The following WWC1 variants were observed in gnomAD, a reference collection of about 807,000 sequenced individuals.
The protein encoded by WWC1 is WW and C2 domain containing 1.
In WWC1, 55 loss-of-function variants were observed where a neutral mutation model predicts 138.4. That is an observed-to-expected ratio of 0.40 (90% CI 0.32 to 0.50). The LOEUF is 0.50. WWC1 is among the 20% of genes least tolerant of loss of function. The pLI is 0.72. For missense variants in WWC1, 1,226 were observed against 1,420.4 expected (o/e 0.86, Z 2.20); for synonymous variants, 524 against 564.9 (o/e 0.93, Z 1.03).
chr5:168,318,141 A>C (rs367573004), intron 1 of WWC1, among the ~76,000 whole-genome samples: 2 of 152,092 alleles, frequency 1.3e-5, no homozygotes, highest in Non-Finnish European at 2.9e-5. Flanking sequence ...CAGATCATGG[A>C]AAGTCCACAA....
chr5:168,455,275 A>G, intron 18 of WWC1, 81 bp from the exon 19 acceptor site: 8 of 1,462,508 alleles, frequency 5.5e-6, no homozygotes, highest in South Asian at 1.5e-5. Context: ...ACAGGAGGGA[A>G]GAGGAGCAGC....
intron 15 of WWC1, among the ~76,000 whole-genome samples, chr5:168,435,283 C>T (rs1320845769): frequency 6.6e-6 from 1 of 152,154 alleles, no homozygotes; most frequent in African/African-American, 2.4e-5. Flanking sequence ...CCACCACCCC[C>T]ATTTTCTCGC....
chr5:168,313,556 A>C (rs923818499), intron 1 of WWC1, among the ~76,000 whole-genome samples: 8 of 151,026 alleles, frequency 5.3e-5, no homozygotes, highest in Non-Finnish European at 1.0e-4. Flanking sequence ...GCACCACTGC[A>C]CTCCAGCCTG....
Position 168,469,009 on chromosome 5 carries a change from G to A in WWC1, c.3334G>A (p.Asp1112Asn). Residue 1112 changes from aspartate to asparagine, a missense_variant, in exon 23 of 23, where the codon GAC (aspartate) becomes AAC (asparagine). Coordinates refer to ENST00000265293, the MANE Select transcript of WWC1 (RefSeq NM_015238.3). ...GAATATCCCAGCTCTCTCTGCAGATGACGTCTAATCGCCAGAAAAGTATTT... is the reference window on the plus strand; with the variant it reads ...GAATATCCCAGCTCTCTCTGCAGATAACGTCTAATCGCCAGAAAAGTATTT... ...RMNIPALSAD[D>N]V 6.2e-7 allele frequency: 1 copy of A among 1,614,234 alleles called. No homozygotes were observed. Among genetic ancestry groups the A allele is most frequent in the Non-Finnish European group, 8.5e-7 (1 of 1,180,038 alleles).
At chr5:168,426,428 G>A (rs11738811) in intron 11 of WWC1, among the ~76,000 whole-genome samples, 26,385 of 152,082 alleles carry the variant, frequency 0.17, 2,418 homozygotes, top group South Asian at 0.35. Context: ...TTTGGGGCTT[G>A]TGGGCCTCAG....
At chr5:168,296,926 A>G (rs557933088) in intron 1 of WWC1, among the ~76,000 whole-genome samples, 1 of 152,316 alleles carries the variant, frequency 6.6e-6, no homozygotes, top group South Asian at 2.1e-4. Flanking sequence ...AACAGGCATG[A>G]TTTCACTTAC....
At chr5:168,410,123 T>C in intron 8 of WWC1, 128 bp downstream of exon 8, 1 of 924,644 alleles carries the variant, frequency 1.1e-6, no homozygotes, top group South Asian at 1.5e-5. Context: ...ATGAAGATAG[T>C]TATTATACTT....
chr5:168,329,883 G>A (rs1261718486), intron 1 of WWC1, among the ~76,000 whole-genome samples: 1 of 152,190 alleles, frequency 6.6e-6, no homozygotes, highest in Non-Finnish European at 1.5e-5. Flanking sequence ...GCTGAGGCAG[G>A]CGGATCACCT....
chr5:168,459,358 C>T (rs1756607184), intron 19 of WWC1, among the ~76,000 whole-genome samples: 1 of 152,084 alleles, frequency 6.6e-6, no homozygotes, highest in Non-Finnish European at 1.5e-5. Flanking sequence ...GATGGCACAC[C>T]CTTCCACCTG....
At chr5:168,428,903 C>A in intron 13 of WWC1, 116 bp downstream of exon 13, 1 of 1,041,852 alleles carries the variant, frequency 9.6e-7, no homozygotes, top group Admixed American at 2.1e-5. Flanking sequence ...GCAGCACCAG[C>A]AGGACCTGCT....
At chr5:168,293,124 G>T (rs1016243829) in intron 1 of WWC1, among the ~76,000 whole-genome samples, 1 of 152,218 alleles carries the variant, frequency 6.6e-6, no homozygotes, top group East Asian at 1.9e-4. Flanking sequence ...GGCAGATGGA[G>T]CCTGAGATAG....
At position 168,428,906 on chromosome 5, in the gene WWC1, G is replaced by A. The variant is rs1228758874; in HGVS notation, c.2000+119G>A. ...CCAGGGTGGAAGGCAGCACCAGCAGGACCTGCTGGCCATTGCAGCTTCTTA... is the reference window on the plus strand; with the variant it reads ...CCAGGGTGGAAGGCAGCACCAGCAGAACCTGCTGGCCATTGCAGCTTCTTA... On this transcript the variant is annotated intron_variant, in intron 13 of 22. Transcript: ENST00000265293. The A allele has an allele frequency of 8.9e-6, 9 of 1,008,516 alleles. No homozygotes were observed. The Admixed American group carries it at 1.5e-4, about 16-fold the overall frequency. 62.5% of individuals were successfully genotyped at this position (1,008,516 alleles called of 1,614,324 possible).
At chr5:168,357,760 A>G (rs1161063858) in intron 1 of WWC1, among the ~76,000 whole-genome samples, 1 of 152,130 alleles carries the variant, frequency 6.6e-6, no homozygotes, top group African/African-American at 2.4e-5. Flanking sequence ...GTTGACTTGC[A>G]GGTAGGGCTT....
chr5:168,459,949 C>T (rs1016169703), intron 19 of WWC1, among the ~76,000 whole-genome samples: 3 of 152,112 alleles, frequency 2.0e-5, no homozygotes, highest in African/African-American at 7.2e-5. Flanking sequence ...GACACATTCT[C>T]AATATAGAAG....
chr5:168,320,677 C>A (rs889048436), intron 1 of WWC1, among the ~76,000 whole-genome samples: 1 of 152,116 alleles, frequency 6.6e-6, no homozygotes, highest in African/African-American at 2.4e-5. Flanking sequence ...TTCATCCTCC[C>A]GGGATGGCTT....
chr5:168,375,820 C>G (rs966055176), intron 2 of WWC1, among the ~76,000 whole-genome samples: 2 of 151,996 alleles, frequency 1.3e-5, no homozygotes, highest in Non-Finnish European at 2.9e-5. Context: ...GGTGATCTGC[C>G]CACCTTGGCC....
chr5:168,358,701 CT>C, intron 1 of WWC1, among the ~76,000 whole-genome samples: 1 of 152,048 alleles, frequency 6.6e-6, no homozygotes, highest in East Asian at 1.9e-4. Flanking sequence ...TGACGATTTT[CT>C]TTTTTCTTAC....
intron 15 of WWC1, among the ~76,000 whole-genome samples, chr5:168,435,990 G>A (rs565660499): frequency 6.6e-5 from 10 of 152,112 alleles, no homozygotes; most frequent in South Asian, 6.2e-4. Flanking sequence ...CTATAGGCAC[G>A]CGCCACCACA....
chr5:168,334,712 G>T (rs1358616007), intron 1 of WWC1, among the ~76,000 whole-genome samples: 2 of 152,244 alleles, frequency 1.3e-5, no homozygotes, highest in African/African-American at 4.8e-5. Flanking sequence ...TGGCTCTAGT[G>T]AGTTCTGAAC....
Sources: allele counts gnomAD v4.1 joint callset (sites outside exome capture counted in the v4.1 genomes callset), GRCh38; gene constraint gnomAD v4.1.1; transcripts MANE v1.5; gene names NCBI Gene and HGNC (gene_info 2026-07-23, HGNC 2026-07-21).